The following QSER1 variants were observed in gnomAD, a reference collection of about 807,000 sequenced individuals.
QSER1 encodes glutamine and serine-rich protein 1.
Under a neutral mutation model 158.5 loss-of-function variants are expected in QSER1, and 49 were observed. The observed-to-expected ratio is 0.31, with a 90% CI of 0.25 to 0.39. QSER1 has a LOEUF of 0.39. Among genes scored for constraint, QSER1 ranks in the 10% least tolerant of loss-of-function variants. The probability of loss-of-function intolerance (pLI) is 1.00; values close to 1 mark genes in which losing one functional copy is unlikely to be tolerated. For missense variants in QSER1, 1,754 were observed against 2,010.3 expected (o/e 0.87, Z 2.44); for synonymous variants, 650 against 715.5 (o/e 0.91, Z 1.46).
chr11:32,920,249 G>A (rs536512450), intron 1 of QSER1, among the ~76,000 whole-genome samples: 20 of 152,250 alleles, frequency 1.3e-4, no homozygotes, highest in Admixed American at 2.0e-4. Context: ...ATATAAAATC[G>A]TAAGAGTATT....
At chr11:32,958,753 A>T (rs763988131) in intron 8 of QSER1, among the ~76,000 whole-genome samples, 17 of 152,216 alleles carry the variant, frequency 1.1e-4, no homozygotes, top group Non-Finnish European at 2.4e-4. Flanking sequence ...GGGCACTCAA[A>T]TTATAATATA....
At position 32,934,710 on chromosome 11, in the gene QSER1, A is replaced by G; in HGVS notation, c.3452A>G (p.Glu1151Gly). ...RSISGENATSESEFTLGGDDS... is the reference protein window; with the variant it reads ...RSISGENATSGSEFTLGGDDS... ...ATAAGTGGAGAGAATGCTACATCAG[A>G]GAGTGAATTTACCTTAGGGGGTGAC... Residue 1151 changes from glutamate to glycine, a missense_variant, in exon 4 of 13, where the codon GAG becomes GGG. Transcript: ENST00000650167. 1 of 1,613,792 alleles carries G rather than the reference A, an allele frequency of 6.2e-7. No individual in the cohort carries two copies. Among genetic ancestry groups the G allele is most frequent in the South Asian group, 1.1e-5 (1 of 91,030 alleles).
chr11:32,903,769 G>A (rs1033277112), intron 1 of QSER1, among the ~76,000 whole-genome samples: 1 of 151,840 alleles, frequency 6.6e-6, no homozygotes, highest in Non-Finnish European at 1.5e-5. Context: ...CCACCACCAC[G>A]CCCAGCTAAT....
intron 1 of QSER1, among the ~76,000 whole-genome samples, chr11:32,901,532 A>G (rs1564924622): frequency 1.3e-5 from 2 of 152,172 alleles, no homozygotes; most frequent in South Asian, 4.1e-4. Context: ...GCTCCTAAGA[A>G]TAAGTGTTCT....
At chr11:32,941,384 T>TCCCCCCCC (rs1263223630) in intron 4 of QSER1, among the ~76,000 whole-genome samples, 6 of 44,382 alleles carry the variant, frequency 1.4e-4, no homozygotes, top group African/African-American at 2.8e-4. Flanking sequence ...CCCTCCCCCC[T>TCCCCCCCC]CCACCCCCCA....
rs748856966 is a variant in QSER1, at chr11:32,955,402, CTACAAATAG to C, written c.4609_4617del (p.Thr1537_Ser1539del). 6.5e-7 allele frequency: 1 copy of C among 1,547,416 alleles called. No individual in the cohort carries two copies. The highest frequency in any genetic ancestry group is 8.8e-7 in the Non-Finnish European group (1 of 1,132,778). On this transcript the variant is annotated inframe_deletion and splice_region_variant, in exon 6 of 13. Transcript: ENST00000650167. ...CGAGATGGTCAAAGAGAATTTGCTG[CTACAAATAG>C]TGTAAGTAAAATGCATGTTTACATT...
chr11:32,924,258 A>G (rs1851937505), intron 1 of QSER1, among the ~76,000 whole-genome samples: 1 of 151,896 alleles, frequency 6.6e-6, no homozygotes, highest in Non-Finnish European at 1.5e-5. Context: ...AAAAATTAAA[A>G]CCTCATTATT....
rs1852908833 is a variant in QSER1, at chr11:32,973,441, T to G, written c.5250T>G (p.Asp1750Glu). 3 of 1,613,820 alleles carry G rather than the reference T, an allele frequency of 1.9e-6. No homozygotes were observed. The highest frequency in any genetic ancestry group is 2.5e-6 in the Non-Finnish European group (3 of 1,179,880). The stretch of plus-strand genomic sequence containing the variant: ...CTGAACTAACAATAATTACTCGAGA[T>G]TCTAAAGCAAAGAGTGGAGGAACTG... Reference protein sequence around the residue: ...SFPELTIITRDSKAKSGGTAI... With the variant: ...SFPELTIITRESKAKSGGTAI... Residue 1750 changes from aspartate to glutamate, a missense_variant, in exon 11 of 13, where the codon GAT becomes GAG. Asp to Glu is a conservative substitution (Grantham distance 45). Coordinates refer to ENST00000650167, the MANE Select transcript of QSER1 (RefSeq NM_001076786.3).
At chr11:32,964,752 A>G (rs1457351808) in intron 8 of QSER1, among the ~76,000 whole-genome samples, 1 of 143,902 alleles carries the variant, frequency 6.9e-6, no homozygotes, top group Non-Finnish European at 1.5e-5. Context: ...ACACACACAC[A>G]CACACACACA....
chr11:32,935,279 C>T lies in QSER1; in HGVS notation c.4021C>T (p.Pro1341Ser). 1 of 1,613,830 alleles carries T rather than the reference C, an allele frequency of 6.2e-7. No homozygotes were observed. Among genetic ancestry groups the T allele is most frequent in the South Asian group, 1.1e-5 (1 of 91,000 alleles). ...PLVSETGGNSPSDKVDNELKN... is the reference protein window; with the variant it reads ...PLVSETGGNSSSDKVDNELKN... ...AGTGTCTGAAACTGGCGGTAACAGT[C>T]CATCAGATAAAGTTGATAATGAACT... Residue 1341 changes from proline to serine, a missense_variant, in exon 4 of 13, where the codon CCA (proline) becomes TCA (serine). By Grantham distance (74) the Pro-to-Ser change is moderately conservative. Around this residue, in one of 2 missense-constraint regions of QSER1, gnomAD observed 1,707 missense variants for 1,919.6 expected, o/e 0.89. Transcript: ENST00000650167.
At chr11:32,942,593 T>C (rs1402703377) in intron 4 of QSER1, among the ~76,000 whole-genome samples, 1 of 152,164 alleles carries the variant, frequency 6.6e-6, no homozygotes, top group Non-Finnish European at 1.5e-5. Context: ...TTGATCTATA[T>C]CTCTGTTTTG....
At chr11:32,927,463 A>G (rs1851987645) in intron 2 of QSER1, among the ~76,000 whole-genome samples, 194 bp downstream of exon 2, 2 of 152,200 alleles carry the variant, frequency 1.3e-5, no homozygotes, top group South Asian at 4.1e-4. Flanking sequence ...GCTGGAGTGC[A>G]GTGGCGTGAT....
intron 1 of QSER1, among the ~76,000 whole-genome samples, chr11:32,899,019 C>A (rs56713904): frequency 0.025 from 3,770 of 152,312 alleles, 147 homozygotes; most frequent in African/African-American, 0.084. Flanking sequence ...TTTCAACCCT[C>A]ACTCCTTGTT....
intron 9 of QSER1, among the ~76,000 whole-genome samples, chr11:32,967,595 G>A (rs1403369147): frequency 6.6e-6 from 1 of 152,156 alleles, no homozygotes; most frequent in African/African-American, 2.4e-5. Context: ...TCATTATGCA[G>A]TGCATGACTA....
intron 11 of QSER1, among the ~76,000 whole-genome samples, chr11:32,973,885 C>T (rs1321538673): frequency 2.6e-5 from 4 of 152,056 alleles, no homozygotes; most frequent in Non-Finnish European, 5.9e-5. Flanking sequence ...AATGTGTGTA[C>T]ATTGTGAAAT....
chr11:32,940,200 G>A (rs571344346), intron 4 of QSER1, among the ~76,000 whole-genome samples: 1 of 152,184 alleles, frequency 6.6e-6, no homozygotes, highest in South Asian at 2.1e-4. Flanking sequence ...TCTGGACAGA[G>A]TTGGAAACAA....
intron 4 of QSER1, among the ~76,000 whole-genome samples, chr11:32,948,731 C>T (rs1852376804): frequency 6.6e-6 from 1 of 152,204 alleles, no homozygotes; most frequent in Non-Finnish European, 1.5e-5. Flanking sequence ...AGAAGTTATA[C>T]ATTCTTTTTT....
intron 8 of QSER1, among the ~76,000 whole-genome samples, chr11:32,964,043 G>C (rs1266682279): frequency 6.6e-6 from 1 of 152,134 alleles, no homozygotes; most frequent in Non-Finnish European, 1.5e-5. Flanking sequence ...CACCTTTTTA[G>C]CTCACTGCAG....
At chr11:32,959,995 G>A (rs548225935) in intron 8 of QSER1, among the ~76,000 whole-genome samples, 2 of 152,160 alleles carry the variant, frequency 1.3e-5, no homozygotes, top group African/African-American at 4.8e-5. Context: ...TCAAACTCCT[G>A]GGCTCAAGCA....
Sources: allele counts gnomAD v4.1 joint callset (sites outside exome capture counted in the v4.1 genomes callset), GRCh38; gene constraint gnomAD v4.1.1; regional missense constraint gnomAD v4.1.1; transcripts MANE v1.5; gene names NCBI Gene and HGNC (gene_info 2026-07-23, HGNC 2026-07-21).